Variants in CPA3 observed in about 807,000 individuals in gnomAD.
The protein encoded by CPA3 is carboxypeptidase A3, also known as mast cell carboxypeptidase A.
A neutral mutation model predicts 55.8 loss-of-function variants in CPA3; 52 were observed. The ratio of observed to expected loss-of-function variants is 0.93; its 90% CI spans 0.75 to 1.17. The LOEUF (loss-of-function observed/expected upper bound fraction) is 1.17. Among genes scored for constraint, CPA3 ranks in the 50% most tolerant of loss-of-function variants. The probability of loss-of-function intolerance (pLI) is 0.00; values close to 1 mark genes in which losing one functional copy is unlikely to be tolerated. For synonymous variants in CPA3, 179 were observed against 171.2 expected, an observed-to-expected ratio of 1.05 and a Z score of -0.36; for missense variants, 547 against 509.1, an observed-to-expected ratio of 1.07 and a Z score of -0.72.
intron 10 of CPA3, among the ~76,000 whole-genome samples, chr3:148,893,921 A>G (rs1358676114): frequency 6.6e-6 from 1 of 152,186 alleles, no homozygotes; most frequent in South Asian, 2.1e-4. Flanking sequence ...AATTCAATGT[A>G]TTGCAAAAAT....
chr3:148,873,979 C>T (rs1162338748), intron 3 of CPA3, among the ~76,000 whole-genome samples: 1 of 152,162 alleles, frequency 6.6e-6, no homozygotes, highest in African/African-American at 2.4e-5. Flanking sequence ...AATTTTGGAG[C>T]TCAAAATAAT....
chr3:148,881,068 TTTA>T (rs1714348960), intron 6 of CPA3, among the ~76,000 whole-genome samples: 1 of 152,206 alleles, frequency 6.6e-6, no homozygotes, highest in Admixed American at 6.5e-5. Flanking sequence ...TCTTGGGTAT[TTTA>T]TTAATACAAT....
At chr3:148,868,814 C>A (rs1713978530) in intron 2 of CPA3, 101 bp from the exon 3 acceptor site, 4 of 1,325,236 alleles carry the variant, frequency 3.0e-6, no homozygotes, top group Non-Finnish European at 3.1e-6. Flanking sequence ...TTATGCTGAG[C>A]CCCAAATTCC....
At position 148,883,635 on chromosome 3, in the gene CPA3, A is replaced by T. The variant is rs766481019; in HGVS notation, c.801A>T (p.Pro267=). Residue 267 remains proline, a synonymous_variant, in exon 9 of 11, where the codon CCA becomes CCT. Coordinates refer to ENST00000296046, the MANE Select transcript of CPA3 (RefSeq NM_001870.4). The part of the protein sequence containing the change: ...SWNSIPNTND[P]CADNYRGSAP... ...CAGCCATTCCTAACACCAATGACCCATGTGCAGATAACTATCGGGGCTCTG... is the reference window on the plus strand; with the variant it reads ...CAGCCATTCCTAACACCAATGACCCTTGTGCAGATAACTATCGGGGCTCTG... 2 of 1,614,014 alleles carry T rather than the reference A, an allele frequency of 1.2e-6. No individual in the cohort carries two copies. Among genetic ancestry groups the T allele is most frequent in the Non-Finnish European group, 1.7e-6 (2 of 1,179,944 alleles).
chr3:148,879,947 C>A, intron 6 of CPA3, 58 bp downstream of exon 6: 1 of 1,170,468 alleles, frequency 8.5e-7, no homozygotes, highest in Admixed American at 1.8e-5. Context: ...CAGCACTTCA[C>A]TAAGTGGCGA....
chr3:148,868,700 T>A (rs1441119886), intron 2 of CPA3, among the ~76,000 whole-genome samples: 1 of 151,608 alleles, frequency 6.6e-6, no homozygotes, highest in East Asian at 1.9e-4. Context: ...AAAAAAGTGA[T>A]CAGGCACTAG....
At chr3:148,890,459 G>C (rs1366721282) in intron 10 of CPA3, among the ~76,000 whole-genome samples, 2 of 152,122 alleles carry the variant, frequency 1.3e-5, no homozygotes, top group South Asian at 4.1e-4. Context: ...TCAACCCAGT[G>C]CTCTTTTTCC....
At chr3:148,884,965 T>C (rs1194368523) in intron 9 of CPA3, among the ~76,000 whole-genome samples, 1 of 152,170 alleles carries the variant, frequency 6.6e-6, no homozygotes, top group Non-Finnish European at 1.5e-5. Context: ...GTTATATGTA[T>C]AGTCTTTTAA....
chr3:148,888,237 G>C (rs1714584087), intron 10 of CPA3, among the ~76,000 whole-genome samples: 1 of 152,218 alleles, frequency 6.6e-6, no homozygotes, highest in South Asian at 2.1e-4. Flanking sequence ...ATTTGAAAAT[G>C]CCGGAATCAA....
chr3:148,881,869 T>C (rs904124721), intron 7 of CPA3, among the ~76,000 whole-genome samples: 2 of 152,206 alleles, frequency 1.3e-5, no homozygotes, highest in Admixed American at 6.5e-5. Context: ...AAAGTAGTAA[T>C]TACAGAGGAA....
At chr3:148,872,942 A>C (rs1714104096) in intron 3 of CPA3, among the ~76,000 whole-genome samples, 1 of 152,146 alleles carries the variant, frequency 6.6e-6, no homozygotes, top group South Asian at 2.1e-4. Flanking sequence ...TGGGAATAAT[A>C]ATGGAATCTA....
At chr3:148,891,443 G>A (rs1215662549) in intron 10 of CPA3, among the ~76,000 whole-genome samples, 3 of 150,582 alleles carry the variant, frequency 2.0e-5, no homozygotes, top group East Asian at 2.0e-4. Flanking sequence ...TCATGCCACC[G>A]CACTCCAGCC....
At chr3:148,877,453 C>A (rs566980201) in intron 3 of CPA3, among the ~76,000 whole-genome samples, 2 of 152,056 alleles carry the variant, frequency 1.3e-5, no homozygotes, top group East Asian at 3.9e-4. Flanking sequence ...GAGATCACAC[C>A]ATTGCACTCC....
intron 8 of CPA3, 123 bp from the exon 9 acceptor site, chr3:148,883,490 G>C (rs1240110266): frequency 1.4e-6 from 1 of 718,734 alleles, no homozygotes; most frequent in East Asian, 2.6e-5. Flanking sequence ...CATTGAAGCA[G>C]CCCTGTAAAC....
chr3:148,887,059 A>G (rs1708577587), intron 10 of CPA3, among the ~76,000 whole-genome samples: 1 of 152,106 alleles, frequency 6.6e-6, no homozygotes, highest in Non-Finnish European at 1.5e-5. Context: ...TAAGTTATTG[A>G]CTTGGATTTC....
chr3:148,894,581 GCTGTTTATAAGA>G (rs1714774728), intron 10 of CPA3, among the ~76,000 whole-genome samples: 2 of 151,784 alleles, frequency 1.3e-5, no homozygotes, highest in African/African-American at 4.8e-5. Flanking sequence ...TCAACAATAT[GCTGTTTATAAGA>G]AACTCATTTC....
chr3:148,892,865 G>T (rs1162818818), intron 10 of CPA3, among the ~76,000 whole-genome samples: 4 of 45,352 alleles, frequency 8.8e-5, no homozygotes, highest in Non-Finnish European at 1.8e-4. Context: ...GTAGAGAGGA[G>T]AAGCACTTGG....
Position 148,879,864 on chromosome 3 carries a change from C to A in CPA3, c.551C>A (p.Ala184Glu). Residue 184 changes from alanine (A) to glutamate (E), a missense_variant, in exon 6 of 11, where the codon GCA (alanine) becomes GAA (glutamate). Physicochemically the swap from Ala to Glu is moderately radical, Grantham distance 107. Transcript: ENST00000296046. Reference sequence around the variant, plus strand: ...CACGCACGAGAATGGGTCTCCCCAGCATTCTGCCAGTGGTTTGTCTATCAG... The same window carrying A: ...CACGCACGAGAATGGGTCTCCCCAGAATTCTGCCAGTGGTTTGTCTATCAG... ...GIHAREWVSP[A>E]FCQWFVYQAT... 1 of 1,612,278 alleles carries A rather than the reference C, an allele frequency of 6.2e-7. No homozygotes were observed. The highest frequency in any genetic ancestry group is 8.5e-7 in the Non-Finnish European group (1 of 1,178,464).
chr3:148,882,363 TTTC>T lies in CPA3; in HGVS notation c.688-139_688-137del, dbSNP rs149042694. ...ACAAATTATAAGAAAACAATATTTT[TTTC>T]TTTTTATAATAAAGGGCCTCAAGTT... On this transcript the variant is annotated intron_variant, in intron 7 of 10. Transcript: ENST00000296046. The T allele has an allele frequency of 4.8e-4, 270 of 565,074 alleles. 2 individuals carry two copies. Among genetic ancestry groups the T allele is most frequent in the African/African-American group, 4.7e-3 (249 of 52,736 alleles). The allele number at this position is 565,074 out of a possible 1,614,324, so 35.0% of individuals were successfully genotyped here.
Sources: allele counts gnomAD v4.1 joint callset (sites outside exome capture counted in the v4.1 genomes callset), GRCh38; gene constraint gnomAD v4.1.1; transcripts MANE v1.5; gene names NCBI Gene and HGNC (gene_info 2026-07-23, HGNC 2026-07-21).